The following SPOCK3 variants were observed in gnomAD, a reference collection of about 807,000 sequenced individuals.
The protein encoded by SPOCK3 is SPARC (osteonectin), cwcv and kazal like domains proteoglycan 3.
SPOCK3 carries 30 observed loss-of-function variants against 56.6 expected under a neutral mutation model. The ratio of observed to expected loss-of-function variants is 0.53; its 90% CI spans 0.40 to 0.72. The LOEUF is 0.72. Ranked by LOEUF, SPOCK3 falls within the 30% of genes least tolerant of loss-of-function variation. SPOCK3 has a pLI of 0.00. For synonymous variants in SPOCK3, 196 were observed against 183.3 expected, an observed-to-expected ratio of 1.07 and a Z score of -0.56; for missense variants, 527 against 530.0, an observed-to-expected ratio of 0.99 and a Z score of 0.06.
chr4:166,877,154 A>C (rs1158267856), intron 6 of SPOCK3, among the ~76,000 whole-genome samples: 1 of 152,138 alleles, frequency 6.6e-6, no homozygotes, highest in African/African-American at 2.4e-5. Context: ...TGATCTCATT[A>C]TATTTTGATT....
intron 6 of SPOCK3, among the ~76,000 whole-genome samples, chr4:166,828,488 T>C (rs184046874): frequency 6.6e-6 from 1 of 152,128 alleles, no homozygotes; most frequent in East Asian, 1.9e-4. Context: ...ACTTATCATA[T>C]TATGTGGGGA....
At chr4:167,132,457 A>G (rs1484086552) in intron 2 of SPOCK3, among the ~76,000 whole-genome samples, 4 of 152,250 alleles carry the variant, frequency 2.6e-5, no homozygotes, top group Non-Finnish European at 5.9e-5. Context: ...TTAAGATTAT[A>G]CAGTTACAGT....
intron 3 of SPOCK3, among the ~76,000 whole-genome samples, chr4:167,015,495 A>C (rs902565525): frequency 6.6e-6 from 1 of 152,182 alleles, no homozygotes; most frequent in South Asian, 2.1e-4. Context: ...TTCTTCTTTC[A>C]GAAGATTGAT....
intron 7 of SPOCK3, 101 bp from the exon 8 acceptor site, chr4:166,754,830 A>AC: frequency 9.9e-7 from 1 of 1,010,352 alleles, no homozygotes; most frequent in Non-Finnish European, 1.5e-6. Flanking sequence ...AGGACATCTA[A>AC]TGAATAGTTA....
At chr4:166,769,986 C>A (rs1345746787) in intron 7 of SPOCK3, among the ~76,000 whole-genome samples, 4 of 152,298 alleles carry the variant, frequency 2.6e-5, no homozygotes, top group South Asian at 4.1e-4. Context: ...ACCCTCCGAG[C>A]CATGCACGGG....
intron 8 of SPOCK3, among the ~76,000 whole-genome samples, chr4:166,752,529 A>G (rs1201947961): frequency 1.3e-5 from 2 of 151,024 alleles, no homozygotes; most frequent in African/African-American, 4.9e-5. Context: ...TATAGCAGCT[A>G]TATATAGAGT....
intron 4 of SPOCK3, among the ~76,000 whole-genome samples, chr4:166,949,322 A>G (rs1044367156): frequency 1.3e-5 from 2 of 152,074 alleles, no homozygotes; most frequent in Non-Finnish European, 1.5e-5. Context: ...GATCGTCTGA[A>G]GCCTTCTTCT....
intron 2 of SPOCK3, among the ~76,000 whole-genome samples, chr4:167,228,322 C>T (rs1222131716): frequency 6.6e-6 from 1 of 152,036 alleles, no homozygotes; most frequent in Non-Finnish European, 1.5e-5. Context: ...ATTTGTTTCT[C>T]TTACTTACAC....
chr4:167,130,575 A>T (rs919437583), intron 2 of SPOCK3, among the ~76,000 whole-genome samples: 2 of 152,162 alleles, frequency 1.3e-5, no homozygotes, highest in Admixed American at 6.5e-5. Context: ...ATGTTTTTGT[A>T]CTTAATATAA....
chr4:167,110,008 C>T (rs1760764342), intron 2 of SPOCK3, among the ~76,000 whole-genome samples: 1 of 151,958 alleles, frequency 6.6e-6, no homozygotes, highest in Admixed American at 6.6e-5. Flanking sequence ...CACACAACTC[C>T]CTGATGCCTT....
chr4:167,042,327 G>A (rs1753302589), intron 3 of SPOCK3, among the ~76,000 whole-genome samples: 1 of 152,144 alleles, frequency 6.6e-6, no homozygotes, highest in African/African-American at 2.4e-5. Context: ...GACTGTAACT[G>A]CTGCTTATAG....
chr4:166,923,955 T>C (rs1014229543), intron 4 of SPOCK3, among the ~76,000 whole-genome samples: 9 of 152,124 alleles, frequency 5.9e-5, no homozygotes, highest in African/African-American at 2.2e-4. Flanking sequence ...GGGCTAATGA[T>C]AATGGGGTTT....
chr4:166,813,580 T>G (rs1177114253), intron 6 of SPOCK3, among the ~76,000 whole-genome samples: 3 of 150,192 alleles, frequency 2.0e-5, no homozygotes, highest in African/African-American at 7.4e-5. Context: ...AATTACATAT[T>G]TTTATAACAT....
intron 6 of SPOCK3, among the ~76,000 whole-genome samples, chr4:166,871,859 G>A (rs1199097540): frequency 6.6e-6 from 1 of 150,884 alleles, no homozygotes; most frequent in East Asian, 1.9e-4. Flanking sequence ...ATTCCAAGAA[G>A]TAAGCCTGGT....
chr4:166,898,448 C>T (rs970111248), intron 5 of SPOCK3, among the ~76,000 whole-genome samples: 1 of 152,010 alleles, frequency 6.6e-6, no homozygotes, highest in East Asian at 1.9e-4. Context: ...ATGCAGGCAC[C>T]CAACCCAAGT....
chr4:167,133,523 A>G (rs1387657766), intron 2 of SPOCK3, among the ~76,000 whole-genome samples: 1 of 152,340 alleles, frequency 6.6e-6, no homozygotes, highest in South Asian at 2.1e-4. Flanking sequence ...TGTAAAGCAG[A>G]TATCCAGTAG....
intron 6 of SPOCK3, among the ~76,000 whole-genome samples, chr4:166,821,827 T>A (rs1393549613): frequency 6.6e-6 from 1 of 152,012 alleles, no homozygotes; most frequent in East Asian, 1.9e-4. Flanking sequence ...GTAGTAAAGT[T>A]TGCACACATT....
rs182279851 is a variant in SPOCK3 at position 166,846,428 on chromosome 4, T to C, written c.589+42702A>G. Among the ~76,000 whole-genome samples the C allele has an allele frequency of 1.5e-3, 223 of 152,228 alleles. 1 individual carries two copies. Among genetic ancestry groups the C allele is most frequent in the African/African-American group, 5.2e-3 (215 of 41,568 alleles). The stretch of plus-strand genomic sequence containing the variant: ...ATTAATAGATTATCCTTTTTATTAA[T>C]TTGGACTAATACTGTAGTCCAAACA... On this transcript the variant is annotated intron_variant, in intron 6 of 10. Coordinates refer to ENST00000357545, the MANE Select transcript of SPOCK3 (RefSeq NM_001040159.2).
chr4:166,920,960 G>A (rs1738415969), intron 4 of SPOCK3, among the ~76,000 whole-genome samples: 1 of 152,102 alleles, frequency 6.6e-6, no homozygotes, highest in Admixed American at 6.6e-5. Context: ...AAAGTTCAGG[G>A]AGACAAAACA....
Sources: allele counts gnomAD v4.1 joint callset (sites outside exome capture counted in the v4.1 genomes callset), GRCh38; gene constraint gnomAD v4.1.1; transcripts MANE v1.5; gene names NCBI Gene and HGNC (gene_info 2026-07-23, HGNC 2026-07-21).